Variants in MANBAL observed in about 807,000 individuals in gnomAD.
MANBAL encodes mannosidase beta like.
A neutral mutation model predicts 6.4 loss-of-function variants in MANBAL; 1 was observed. That is an observed-to-expected ratio of 0.16 (90% CI 0.06 to 0.74). MANBAL has a LOEUF of 0.74. MANBAL is among the 30% of genes least tolerant of loss of function. The pLI is 0.78. For missense variants in MANBAL, 100 were observed against 107.8 expected (o/e 0.93, Z 0.32); for synonymous variants, 47 against 45.8 (o/e 1.03, Z -0.10).
chr20:37,298,881 T>G (rs1006631659), intron 1 of MANBAL: 3 of 151,910 alleles, frequency 2.0e-5, no homozygotes, highest in Admixed American at 2.0e-4. Flanking sequence ...GGACTACAGG[T>G]GTGTACCACC....
chr20:37,313,751 G>A lies in MANBAL; in HGVS notation c.151-2557G>A, dbSNP rs80212056. On this transcript the variant is annotated intron_variant, in intron 2 of 2. Transcript: ENST00000373606. ...AAGGTTCCTGGGTGCCTAGGGGCCC[G>A]AGGAGGGAGGAGGGGCTGCCCCCAG... Among the ~76,000 whole-genome samples the A allele has an allele frequency of 5.3e-3, 805 of 152,308 alleles. 11 individuals are homozygous for A. Among genetic ancestry groups the A allele is most frequent in the African/African-American group, 0.018 (767 of 41,574 alleles).
At chr20:37,302,454 TC>T in intron 2 of MANBAL, 1 of 1,117,226 alleles carries the variant, frequency 9.0e-7, no homozygotes, top group Non-Finnish European at 1.3e-6. Context: ...AGCTGATCCC[TC>T]CATTATAAAA....
At chr20:37,290,608 G>A (rs763777722) in intron 1 of MANBAL, among the ~76,000 whole-genome samples, 8 of 152,198 alleles carry the variant, frequency 5.3e-5, no homozygotes, top group Non-Finnish European at 8.8e-5. Context: ...ACAGACGTGT[G>A]CCACCACGCC....
At chr20:37,298,363 A>T (rs1157802493) in intron 1 of MANBAL, among the ~76,000 whole-genome samples, 2 of 152,188 alleles carry the variant, frequency 1.3e-5, no homozygotes, top group African/African-American at 4.8e-5. Context: ...TTGCAAACTG[A>T]AACTCTGTAC....
At chr20:37,313,761 G>C (rs2069442399) in intron 2 of MANBAL, among the ~76,000 whole-genome samples, 1 of 152,224 alleles carries the variant, frequency 6.6e-6, no homozygotes, top group South Asian at 2.1e-4. Flanking sequence ...GAGGAGGGAG[G>C]AGGGGCTGCC....
At chr20:37,302,261 C>T (rs1195784426) in intron 2 of MANBAL, 1 of 1,550,562 alleles carries the variant, frequency 6.4e-7, no homozygotes, top group Non-Finnish European at 8.7e-7. Flanking sequence ...TCTCTGTTCC[C>T]TGTGTTTCCT....
chr20:37,292,496 C>T (rs1306038281), intron 1 of MANBAL, among the ~76,000 whole-genome samples: 5 of 152,154 alleles, frequency 3.3e-5, no homozygotes, highest in Non-Finnish European at 1.5e-5. Flanking sequence ...GAGAGAGTTT[C>T]ACCATGTTGG....
chr20:37,313,692 T>C (rs1199685291), intron 2 of MANBAL, among the ~76,000 whole-genome samples: 2 of 151,724 alleles, frequency 1.3e-5, no homozygotes, highest in African/African-American at 4.8e-5. Context: ...GGCAAAAGAG[T>C]GAGACCTTGT....
At chr20:37,290,132 C>G (rs907680010) in intron 1 of MANBAL, among the ~76,000 whole-genome samples, 16 of 152,206 alleles carry the variant, frequency 1.1e-4, no homozygotes, top group African/African-American at 3.9e-4. Flanking sequence ...GCGGGGTAAA[C>G]CGAGGTGGTG....
intron 2 of MANBAL, among the ~76,000 whole-genome samples, chr20:37,316,054 A>G (rs1234231879): frequency 6.6e-6 from 1 of 152,188 alleles, no homozygotes; most frequent in Non-Finnish European, 1.5e-5. Flanking sequence ...CTGGAAAGGG[A>G]AGGATCCCAG....
chr20:37,295,418 C>A (rs2068971285), intron 1 of MANBAL, among the ~76,000 whole-genome samples: 1 of 152,164 alleles, frequency 6.6e-6, no homozygotes, highest in African/African-American at 2.4e-5. Flanking sequence ...GAAAAAGCTT[C>A]AGGATATAAT....
At chr20:37,293,388 T>C (rs1001690884) in intron 1 of MANBAL, among the ~76,000 whole-genome samples, 10 of 152,194 alleles carry the variant, frequency 6.6e-5, no homozygotes, top group African/African-American at 9.7e-5. Flanking sequence ...ATCCCTCACA[T>C]GCACAGTTCA....
At chr20:37,307,462 C>A (rs1195261825) in intron 2 of MANBAL, among the ~76,000 whole-genome samples, 2 of 152,134 alleles carry the variant, frequency 1.3e-5, no homozygotes. Flanking sequence ...GGAATAGAGA[C>A]CTGACAATTA....
intron 2 of MANBAL, among the ~76,000 whole-genome samples, chr20:37,313,426 T>C (rs2069433955): frequency 6.6e-6 from 1 of 151,414 alleles, no homozygotes; most frequent in East Asian, 1.9e-4. Context: ...CATTATGGGC[T>C]GGGCGCAGTG....
chr20:37,315,964 C>T (rs147422201), intron 2 of MANBAL, among the ~76,000 whole-genome samples: 46 of 152,340 alleles, frequency 3.0e-4, no homozygotes, highest in Non-Finnish European at 3.5e-4. Context: ...CCCTGTAAGG[C>T]GGGTGTGGCT....
chr20:37,315,487 C>T (rs1288731880), intron 2 of MANBAL, among the ~76,000 whole-genome samples: 1 of 152,240 alleles, frequency 6.6e-6, no homozygotes, highest in East Asian at 1.9e-4. Flanking sequence ...CTGGAGTCTC[C>T]CTTCCTTATC....
At chr20:37,290,395 AG>A (rs2068839221) in intron 1 of MANBAL, among the ~76,000 whole-genome samples, 1 of 150,708 alleles carries the variant, frequency 6.6e-6, no homozygotes, top group South Asian at 2.1e-4. Context: ...GGGACGGGCC[AG>A]GCTGTACAAC....
chr20:37,302,563 A>G (rs912323115), intron 2 of MANBAL, among the ~76,000 whole-genome samples: 1 of 152,164 alleles, frequency 6.6e-6, no homozygotes, highest in African/African-American at 2.4e-5. Flanking sequence ...GAATTCTTTA[A>G]CAAAGACCTT....
At chr20:37,301,166 G>A (rs1163376727) in intron 1 of MANBAL, 42 bp from the exon 2 acceptor site, 13 of 1,035,336 alleles carry the variant, frequency 1.3e-5, no homozygotes, top group Non-Finnish European at 1.5e-5. Flanking sequence ...ATAAATAAAT[G>A]TCAGTTACAG....
Sources: gnomAD v4.1 joint callset for allele counts (sites outside exome capture counted in the v4.1 genomes callset) on GRCh38, gnomAD v4.1.1 for gene constraint, MANE v1.5 for transcripts, NCBI Gene and HGNC (gene_info 2026-07-23, HGNC 2026-07-21) for gene names.